The following CTNNA2 variants were observed in gnomAD, a reference collection of about 807,000 sequenced individuals.
CTNNA2 encodes the protein catenin alpha 2.
Under a neutral mutation model 101.0 loss-of-function variants are expected in CTNNA2, and 42 were observed. The observed-to-expected ratio is 0.42, with a 90% CI of 0.32 to 0.54. The LOEUF (loss-of-function observed/expected upper bound fraction) is 0.54, where lower values mean the gene tolerates loss of function less well. Ranked by LOEUF, CTNNA2 falls within the 20% of genes least tolerant of loss-of-function variation. The probability of loss-of-function intolerance (pLI) is 0.14; values close to 1 mark genes in which losing one functional copy is unlikely to be tolerated. For missense variants in CTNNA2, 871 were observed against 1,223.1 expected, an observed-to-expected ratio of 0.71 and a Z score of 4.29; for synonymous variants, 450 against 456.4, an observed-to-expected ratio of 0.99 and a Z score of 0.18.
At position 79,874,067 on chromosome 2, in the gene CTNNA2, C is replaced by A. The variant is rs779849066; in HGVS notation, c.586-9C>A. The A allele has an allele frequency of 8.1e-6, 13 of 1,613,520 alleles. No homozygotes were observed. Among genetic ancestry groups the A allele is most frequent in the Non-Finnish European group, 1.0e-5 (12 of 1,179,784 alleles). On this transcript the variant is annotated splice_polypyrimidine_tract_variant and intron_variant, in intron 5 of 18. Transcript: ENST00000402739. The stretch of plus-strand genomic sequence containing the variant: ...TGTGTGTGACAGCTTTCATGTGTTA[C>A]ACACACAGGAGCTGAAGGATCCTCA...
chr2:79,844,429 A>G (rs12990738), intron 3 of CTNNA2, among the ~76,000 whole-genome samples: 2,587 of 152,330 alleles, frequency 0.017, 28 homozygotes, highest in Non-Finnish European at 0.028. Context: ...TAGCTTTGAA[A>G]TAAATAATTT....
At chr2:79,753,506 G>A (rs946971257) in intron 3 of CTNNA2, among the ~76,000 whole-genome samples, 2 of 152,142 alleles carry the variant, frequency 1.3e-5, no homozygotes, top group Admixed American at 1.3e-4. Context: ...CTTAAGCCAT[G>A]GAGCAGTTGC....
intron 7 of CTNNA2, among the ~76,000 whole-genome samples, chr2:79,951,411 A>T (rs1236453880): frequency 6.6e-6 from 1 of 152,168 alleles, no homozygotes; most frequent in Non-Finnish European, 1.5e-5. Flanking sequence ...TCACGGCTGT[A>T]ATGCCAGCAC....
intron 3 of CTNNA2, among the ~76,000 whole-genome samples, chr2:79,356,419 T>A (rs549602152): frequency 1.3e-5 from 2 of 152,188 alleles, no homozygotes; most frequent in Non-Finnish European, 2.9e-5. Flanking sequence ...GCTTTCTTGA[T>A]AGTGCCCTTT....
upstream of CTNNA2, among the ~76,000 whole-genome samples, chr2:79,508,352 A>G (rs911785734): frequency 6.6e-6 from 1 of 152,190 alleles, no homozygotes; most frequent in Non-Finnish European, 1.5e-5. Flanking sequence ...AGATACAGGA[A>G]AAACATGCTC....
chr2:79,616,195 C>T (rs968720119), intron 1 of CTNNA2, among the ~76,000 whole-genome samples: 12 of 152,188 alleles, frequency 7.9e-5, no homozygotes, highest in Non-Finnish European at 1.5e-4. Context: ...TAGGATAGGT[C>T]TAAATTATTG....
intron 2 of CTNNA2, among the ~76,000 whole-genome samples, chr2:79,690,920 G>A (rs1168469993): frequency 2.0e-5 from 3 of 151,642 alleles, no homozygotes; most frequent in African/African-American, 2.4e-5. Flanking sequence ...GTTTTTATTT[G>A]CATTTATGTG....
chr2:79,402,725 C>A (rs564359089), intron 4 of CTNNA2, among the ~76,000 whole-genome samples: 1 of 151,848 alleles, frequency 6.6e-6, no homozygotes, highest in Non-Finnish European at 1.5e-5. Flanking sequence ...CAACTTAAAC[C>A]ATATATAGGC....
At chr2:80,318,627 T>G (rs1484332365) in intron 7 of CTNNA2, among the ~76,000 whole-genome samples, 1 of 152,202 alleles carries the variant, frequency 6.6e-6, no homozygotes, top group Non-Finnish European at 1.5e-5. Flanking sequence ...AATACAAAAC[T>G]TGTTTCAAAG....
chr2:79,995,888 CA>C (rs999911467), intron 7 of CTNNA2, among the ~76,000 whole-genome samples: 3 of 151,714 alleles, frequency 2.0e-5, no homozygotes, highest in East Asian at 3.9e-4. Flanking sequence ...GATTTTAATT[CA>C]AAAAAAAGTG....
intron 7 of CTNNA2, among the ~76,000 whole-genome samples, chr2:80,355,764 T>A (rs1673728142): frequency 6.6e-6 from 1 of 152,126 alleles, no homozygotes; most frequent in African/African-American, 2.4e-5. Flanking sequence ...TCTTTCTTTT[T>A]TGAACTCTTA....
intron 6 of CTNNA2, among the ~76,000 whole-genome samples, chr2:79,890,199 G>T (rs996596010): frequency 3.3e-5 from 5 of 152,190 alleles, no homozygotes; most frequent in Admixed American, 2.0e-4. Context: ...AGGAGCGAAT[G>T]GCAGAAAGCG....
At chr2:80,266,889 C>G (rs767632013) in intron 7 of CTNNA2, among the ~76,000 whole-genome samples, 2 of 152,100 alleles carry the variant, frequency 1.3e-5, no homozygotes, top group African/African-American at 4.8e-5. Flanking sequence ...CCCTGTCATC[C>G]CAGATTCTGC....
chr2:80,523,786 C>G (rs1340277780), intron 9 of CTNNA2, among the ~76,000 whole-genome samples: 2 of 152,114 alleles, frequency 1.3e-5, no homozygotes, highest in Non-Finnish European at 2.9e-5. Context: ...ATGGGGAAGG[C>G]AAGTCTTCAC....
intron 2 of CTNNA2, among the ~76,000 whole-genome samples, chr2:79,261,553 G>A (rs988039347): frequency 1.3e-5 from 2 of 152,272 alleles, no homozygotes; most frequent in South Asian, 4.1e-4. Flanking sequence ...GGTTTCTGGC[G>A]AGACCTCCTT....
intron 2 of CTNNA2, among the ~76,000 whole-genome samples, chr2:79,655,831 A>C (rs1431241622): frequency 1.0e-5 from 1 of 95,442 alleles, no homozygotes; most frequent in East Asian, 6.4e-4. Context: ...TCCATCTCAA[A>C]AAAAAAAAAA....
chr2:79,780,629 C>A (rs759268366), intron 3 of CTNNA2, among the ~76,000 whole-genome samples: 2 of 152,200 alleles, frequency 1.3e-5, no homozygotes, highest in African/African-American at 2.4e-5. Context: ...AATGCCCGAT[C>A]TCCTCTAATC....
chr2:80,488,618 C>CT (rs2149513046), intron 9 of CTNNA2, among the ~76,000 whole-genome samples: 1 of 152,302 alleles, frequency 6.6e-6, no homozygotes, highest in South Asian at 2.1e-4. Flanking sequence ...ATAGCCACCT[C>CT]TGAGTTCAGC....
intron 8 of CTNNA2, among the ~76,000 whole-genome samples, chr2:80,405,919 G>A (rs1188252903): frequency 6.6e-6 from 1 of 152,086 alleles, no homozygotes; most frequent in Non-Finnish European, 1.5e-5. Flanking sequence ...AGTTTTTCAC[G>A]AATGCATCAA....
Sources: allele counts gnomAD v4.1 joint callset (sites outside exome capture counted in the v4.1 genomes callset), GRCh38; gene constraint gnomAD v4.1.1; transcripts MANE v1.5; gene names NCBI Gene and HGNC (gene_info 2026-07-23, HGNC 2026-07-21).